KCNG2: variants seen among roughly 807,000 people sequenced by gnomAD.
KCNG2 encodes the protein potassium voltage-gated channel modifier subfamily G member 2.
KCNG2 carries 7 observed loss-of-function variants against 12.3 expected under a neutral mutation model. That is an observed-to-expected ratio of 0.57 (90% CI 0.32 to 1.07). KCNG2 has a LOEUF of 1.07. Ranked by LOEUF, KCNG2 falls within the 50% of genes least tolerant of loss-of-function variation. The probability of loss-of-function intolerance (pLI) is 0.04; values close to 1 mark genes in which losing one functional copy is unlikely to be tolerated. For missense variants in KCNG2, 703 were observed against 726.0 expected, an observed-to-expected ratio of 0.97 and a Z score of 0.36; for synonymous variants, 414 against 351.4, an observed-to-expected ratio of 1.18 and a Z score of -1.99.
At chr18:79,866,427 G>A (rs1342180062) in intron 3 of KCNG2, among the ~76,000 whole-genome samples, 1 of 121,522 alleles carries the variant, frequency 8.2e-6, no homozygotes, top group Non-Finnish European at 1.8e-5. Context: ...TGAGAGGTCT[G>A]GGTGCTGAGA....
At chr18:79,845,825 G>A (rs772738295) in intron 1 of KCNG2, among the ~76,000 whole-genome samples, 1 of 152,194 alleles carries the variant, frequency 6.6e-6, no homozygotes, top group African/African-American at 2.4e-5. Context: ...AGTGGCTCAC[G>A]CCTGTAATCC....
intron 1 of KCNG2, among the ~76,000 whole-genome samples, chr18:79,798,396 G>A (rs1393183106): frequency 2.0e-5 from 3 of 152,220 alleles, no homozygotes; most frequent in East Asian, 1.9e-4. Context: ...GCCCGGGTGA[G>A]CCGAAGGCGA....
At chr18:79,865,189 G>A (rs1979426147) in intron 3 of KCNG2, among the ~76,000 whole-genome samples, 1 of 148,324 alleles carries the variant, frequency 6.7e-6, no homozygotes, top group Non-Finnish European at 1.5e-5. Context: ...AGGTCTGGGT[G>A]CTGAGATATC....
chr18:79,834,114 G>A (rs1196034654), intron 1 of KCNG2, among the ~76,000 whole-genome samples: 1 of 152,156 alleles, frequency 6.6e-6, no homozygotes, highest in African/African-American at 2.4e-5. Context: ...AAAGCGTGTC[G>A]AGGTCGGTAT....
intron 3 of KCNG2, among the ~76,000 whole-genome samples, chr18:79,872,294 T>G (rs184091968): frequency 2.5e-4 from 19 of 77,292 alleles, no homozygotes; most frequent in African/African-American, 4.8e-4. Flanking sequence ...TTTTTTTTTT[T>G]TTTTTTTTTG....
chr18:79,850,080 A>G (rs1978766197), intron 1 of KCNG2, among the ~76,000 whole-genome samples: 1 of 152,216 alleles, frequency 6.6e-6, no homozygotes, highest in African/African-American at 2.4e-5. Context: ...CGCTACCCTC[A>G]TCCATGTACC....
At position 79,900,000 on chromosome 18, in the gene KCNG2, GCTGGGCAAAGTCA is replaced by G; in HGVS notation, c.*189_*201del. On this transcript the variant is annotated 3_prime_UTR_variant, in exon 4 of 4. Transcript: ENST00000316249. ...GCCCTGCCTGACTCCCCGTGGCAGC[GCTGGGCAAAGTCA>G]CTGGCCTTTGTCCTCCTGCCCCACC... is the stretch of plus-strand genomic sequence containing the variant. 2.3e-6 allele frequency: 1 copy of G among 428,420 alleles called. No homozygotes were observed. The highest frequency in any genetic ancestry group is 3.9e-6 in the Non-Finnish European group (1 of 259,334). The allele number at this position is 428,420 out of a possible 1,614,324, so 26.5% of individuals were successfully genotyped here.
intron 1 of KCNG2, among the ~76,000 whole-genome samples, chr18:79,809,753 C>T (rs569589527): frequency 9.8e-5 from 15 of 152,386 alleles, no homozygotes; most frequent in Middle Eastern, 3.4e-3. Flanking sequence ...TCAAGACGTA[C>T]TTTTCGGATG....
intron 1 of KCNG2, among the ~76,000 whole-genome samples, chr18:79,837,383 C>T (rs1279446616): frequency 1.3e-5 from 2 of 152,194 alleles, no homozygotes; most frequent in African/African-American, 4.8e-5. Flanking sequence ...GCAGATGGTG[C>T]AAGCAGTTGG....
chr18:79,894,228 A>G (rs964488540), intron 3 of KCNG2, among the ~76,000 whole-genome samples: 1 of 151,630 alleles, frequency 6.6e-6, no homozygotes, highest in Non-Finnish European at 1.5e-5. Context: ...CTCCATTCAC[A>G]TCTAATGGTT....
At position 79,863,906 on chromosome 18, in the gene KCNG2, C is replaced by T; in HGVS notation, c.239C>T (p.Ala80Val). Reference protein sequence around the residue: ...FFDRSPCAFRAIVALLRAGKL... With the variant: ...FFDRSPCAFRVIVALLRAGKL... ...GACCGCAGCCCGTGCGCCTTCCGCG[C>T]CATCGTGGCGCTTTTGCGCGCAGGG... The change falls in exon 3 of 4, where the codon GCC (alanine) becomes GTC (valine). Residue 80 changes from alanine (A) to valine (V), a missense_variant. Ala to Val is a moderately conservative substitution (Grantham distance 64, BLOSUM62 0). Coordinates refer to ENST00000316249, the MANE Select transcript of KCNG2 (RefSeq NM_012283.2). 1.4e-6 allele frequency: 2 copies of T among 1,428,544 alleles called. No homozygotes were observed. Among genetic ancestry groups the T allele is most frequent in the South Asian group, 1.4e-5 (1 of 72,484 alleles). 88.5% of individuals were successfully genotyped at this position (1,428,544 alleles called of 1,614,324 possible).
chr18:79,894,239 C>A (rs557029159), intron 3 of KCNG2, among the ~76,000 whole-genome samples: 2 of 150,358 alleles, frequency 1.3e-5, no homozygotes, highest in East Asian at 4.0e-4. Flanking sequence ...TCTAATGGTT[C>A]AATTGATATA....
At chr18:79,879,789 C>G (rs1048276248) in intron 3 of KCNG2, among the ~76,000 whole-genome samples, 1 of 152,062 alleles carries the variant, frequency 6.6e-6, no homozygotes, top group Non-Finnish European at 1.5e-5. Flanking sequence ...GAAACGCACG[C>G]GTGTCAAGGC....
Position 79,884,118 on chromosome 18 carries a change from A to C in KCNG2, c.625-14922A>C, listed in dbSNP as rs1311843153. ...TTCTCCCACCAGCCTCCCGCCTGCAATTTCCGTGGCACAGGCCGACCTCTC... is the reference window on the plus strand; with the variant it reads ...TTCTCCCACCAGCCTCCCGCCTGCACTTTCCGTGGCACAGGCCGACCTCTC... On this transcript the variant is annotated intron_variant, in intron 3 of 3. Transcript: ENST00000316249. This position sits in a 1 kb window ranked among gnomAD's most constrained non-coding sequence, Gnocchi z 5.5. Among the ~76,000 whole-genome samples the C allele has an allele frequency of 1.3e-5, 2 of 151,668 alleles. No individual in the cohort carries two copies.
chr18:79,856,909 G>A (rs1321884106), intron 2 of KCNG2, among the ~76,000 whole-genome samples: 1 of 151,574 alleles, frequency 6.6e-6, no homozygotes, highest in Non-Finnish European at 1.5e-5. Flanking sequence ...GACTTGTAGG[G>A]CTCGGGAAAT....
In KCNG2 at chr18:79,868,954, A is replaced by T. The variant is rs187900833; in HGVS notation, c.624+4663A>T. ...AACTAGGAGTCGGTGTTACTGACAG[A>T]ATGTGAGCTCTCTGATGGGATGTGT... On this transcript the variant is annotated intron_variant, in intron 3 of 3. Transcript: ENST00000316249. 1.0e-3 allele frequency among the ~76,000 whole-genome samples: 152 copies of T among 152,302 alleles called. 1 individual carries two copies. Among genetic ancestry groups the T allele is most frequent in the African/African-American group, 3.5e-3 (145 of 41,576 alleles).
At chr18:79,834,009 C>G (rs530094690) in intron 1 of KCNG2, among the ~76,000 whole-genome samples, 2 of 152,350 alleles carry the variant, frequency 1.3e-5, no homozygotes, top group African/African-American at 4.8e-5. Context: ...AGGGCAGTGC[C>G]TCTCTGGCCA....
intron 1 of KCNG2, among the ~76,000 whole-genome samples, chr18:79,828,810 CTATG>C (rs1372364671): frequency 1.7e-4 from 15 of 89,426 alleles, no homozygotes; most frequent in Admixed American, 1.4e-3. Context: ...GTGTGGGTGT[CTATG>C]TGTGCGTGTG....
chr18:79,815,613 C>T (rs56775891), intron 1 of KCNG2, among the ~76,000 whole-genome samples: 43,203 of 152,052 alleles, frequency 0.28, 6,494 homozygotes, highest in South Asian at 0.46. Context: ...TAGAGCCCTG[C>T]GCCCAGCTGT....
Sources: allele counts gnomAD v4.1 joint callset (sites outside exome capture counted in the v4.1 genomes callset), GRCh38; gene constraint gnomAD v4.1.1; non-coding constraint Gnocchi (gnomAD v3.1); transcripts MANE v1.5; gene names NCBI Gene and HGNC (gene_info 2026-07-23, HGNC 2026-07-21).